ZNF75D: variants seen among roughly 807,000 people sequenced by gnomAD.
ZNF75D encodes the protein zinc finger protein 75D.
A neutral mutation model predicts 33.3 loss-of-function variants in ZNF75D; 33 were observed. The observed-to-expected ratio is 0.99, with a 90% confidence interval of 0.75 to 1.32. The LOEUF is 1.32. Ranked by LOEUF, ZNF75D falls within the 40% of genes most tolerant of loss-of-function variation. ZNF75D has a pLI of 0.00. For missense variants in ZNF75D, 338 were observed against 367.5 expected (o/e 0.92, Z 0.66); for synonymous variants, 113 against 130.6 (o/e 0.87, Z 0.92).
chrX:135,259,175 C>T (rs781930034), intron 1 of ZNF75D, among the ~76,000 whole-genome samples: 1 of 111,797 alleles, frequency 8.9e-6, no homozygotes, highest in South Asian at 3.8e-4. Flanking sequence ...GGTACCAGTA[C>T]CATGCTGTTT....
intron 1 of ZNF75D, among the ~76,000 whole-genome samples, chrX:135,263,215 C>T (rs1207092722): frequency 3.6e-5 from 4 of 112,547 alleles, no homozygotes; most frequent in Admixed American, 9.3e-5. Context: ...GACGCCTACA[C>T]GAGGTGTCTG....
intron 1 of ZNF75D, among the ~76,000 whole-genome samples, chrX:135,302,896 T>C (rs1348588580): frequency 9.2e-6 from 1 of 108,816 alleles, no homozygotes; most frequent in Non-Finnish European, 1.9e-5. Context: ...GGCCTCTGAG[T>C]TCCCTTAGTA....
At chrX:135,283,545 A>G (rs1556418879), downstream of ZNF75D, among the ~76,000 whole-genome samples, 1 of 111,715 alleles carries the variant, frequency 9.0e-6, no homozygotes, top group Non-Finnish European at 1.9e-5. Flanking sequence ...CTAGGCCATG[A>G]TTCCGTTTTG....
intron 1 of ZNF75D, among the ~76,000 whole-genome samples, chrX:135,258,878 G>C (rs1382375296): frequency 2.7e-5 from 3 of 112,143 alleles, no homozygotes; most frequent in Admixed American, 9.4e-5. Flanking sequence ...CCATGCCTAT[G>C]TCCTGAATGG....
chrX:135,320,612 A>G (rs1261111377), intron 1 of ZNF75D, among the ~76,000 whole-genome samples: 4 of 111,703 alleles, frequency 3.6e-5, no homozygotes, highest in African/African-American at 1.3e-4. Flanking sequence ...ATGTTTATCC[A>G]TATTAGGTAA....
chrX:135,318,478 A>G (rs1292973910), intron 1 of ZNF75D, among the ~76,000 whole-genome samples: 2 of 111,696 alleles, frequency 1.8e-5, no homozygotes, highest in Non-Finnish European at 3.8e-5. Flanking sequence ...GCAAAGTAAG[A>G]ACAAGTTTGG....
At chrX:135,258,939 A>G (rs2083824804) in intron 1 of ZNF75D, among the ~76,000 whole-genome samples, 1 of 112,200 alleles carries the variant, frequency 8.9e-6, no homozygotes, top group South Asian at 3.7e-4. Context: ...TCTAATATTT[A>G]AGTCTTTAAC....
At chrX:135,302,852 G>A (rs181610349) in intron 1 of ZNF75D, among the ~76,000 whole-genome samples, 130 of 110,202 alleles carry the variant, frequency 1.2e-3, no homozygotes, top group African/African-American at 3.9e-3. Context: ...AAGGGGCCCA[G>A]GGGACCAGCG....
Position 135,287,050 on chromosome X carries a change from A to C in ZNF75D, c.*87T>G, listed in dbSNP as rs782442459. ...AACATGTACCCTTCCCAAATGTTTT[A>C]TTAATCACAGATTCCTATCATTGGG... On this transcript the variant is annotated 3_prime_UTR_variant, in exon 7 of 7. Coordinates refer to ENST00000370766, the MANE Select transcript of ZNF75D (RefSeq NM_007131.5). 3 of 792,929 alleles carry C rather than the reference A, an allele frequency of 3.8e-6. No homozygotes were observed. The East Asian group carries it at 9.4e-5, about 25-fold the overall frequency. The allele number at this position is 792,929 out of a possible 1,213,427, so 65.3% of individuals were successfully genotyped here.
chrX:135,280,566 C>A (rs910110236), intron 1 of ZNF75D, among the ~76,000 whole-genome samples: 1 of 111,807 alleles, frequency 8.9e-6, no homozygotes, highest in African/African-American at 3.2e-5. Flanking sequence ...TTACTTGATG[C>A]AGTTTCTTCA....
intron 1 of ZNF75D, among the ~76,000 whole-genome samples, chrX:135,278,174 G>T (rs187459009): frequency 6.0e-4 from 67 of 111,360 alleles, no homozygotes; most frequent in African/African-American, 2.2e-3. Flanking sequence ...CTTGACCAGT[G>T]GTTTCTAGTT....
intron 1 of ZNF75D, among the ~76,000 whole-genome samples, chrX:135,315,354 G>C: frequency 9.0e-6 from 1 of 111,704 alleles, no homozygotes; most frequent in Non-Finnish European, 1.9e-5. Flanking sequence ...TTTGGTCGTG[G>C]CCTAACATAT....
chrX:135,308,464 G>C (rs782653637), intron 1 of ZNF75D, among the ~76,000 whole-genome samples: 1 of 111,959 alleles, frequency 8.9e-6, no homozygotes, highest in Non-Finnish European at 1.9e-5. Flanking sequence ...TAATGGGGGG[G>C]AAGGTATGGG....
At position 135,294,508 on chromosome X, in the gene ZNF75D, GT is replaced by G. The variant is rs372815241; in HGVS notation, c.-118-251del. Among the ~76,000 whole-genome samples the G allele has an allele frequency of 9.0e-3, 936 of 104,540 alleles. 22 individuals are homozygous for G. Among genetic ancestry groups the G allele is most frequent in the African/African-American group, 0.031 (893 of 28,973 alleles). 90.8% of individuals were successfully genotyped at this position (104,540 alleles called of 115,157 possible). On this transcript the variant is annotated intron_variant, in intron 2 of 6. Coordinates refer to ENST00000370766, the MANE Select transcript of ZNF75D (RefSeq NM_007131.5). ...ACAAATGTCAATCAATGTATTTCCT[GT>G]TTTTTTTTTTAACAGTTGAGGAAAG...
rs2083953239 is a variant in ZNF75D at position 135,286,461 on chromosome X, A to G, written c.*676T>C. On this transcript the variant is annotated 3_prime_UTR_variant, in exon 7 of 7. Coordinates refer to ENST00000370766, the MANE Select transcript of ZNF75D (RefSeq NM_007131.5). ...GTTGACAAAGTCAGCAAGAGGAGAG[A>G]TATCAAGTGCTTGCAAGGTCCCTAG... 8.9e-6 allele frequency: 1 copy of G among 112,388 alleles called. No homozygotes were observed. 9.3% of individuals were successfully genotyped at this position (112,388 alleles called of 1,213,427 possible). A position where few individuals can be genotyped will look rare whatever the true frequency, so the allele number is the denominator to read the frequency against.
chrX:135,321,272 AC>A (rs2084492084), intron 1 of ZNF75D, among the ~76,000 whole-genome samples: 1 of 112,116 alleles, frequency 8.9e-6, no homozygotes, highest in Non-Finnish European at 1.9e-5. Flanking sequence ...AGGCCACACC[AC>A]CCAGCACTGC....
At chrX:135,306,573 A>C (rs1182389002) in intron 1 of ZNF75D, among the ~76,000 whole-genome samples, 1 of 112,046 alleles carries the variant, frequency 8.9e-6, no homozygotes, top group East Asian at 2.8e-4. Flanking sequence ...CTGTTCTTCC[A>C]GTTACACATA....
chrX:135,271,965 G>A (rs1179340319), intron 1 of ZNF75D, among the ~76,000 whole-genome samples: 3 of 111,141 alleles, frequency 2.7e-5, no homozygotes, highest in Admixed American at 9.6e-5. Flanking sequence ...CAGTCTGGCA[G>A]AGAACTGAAT....
intron 1 of ZNF75D, among the ~76,000 whole-genome samples, chrX:135,303,481 A>G (rs1556425181): frequency 1.8e-5 from 2 of 112,362 alleles, no homozygotes; most frequent in Non-Finnish European, 3.8e-5. Context: ...TGCTGCCTTC[A>G]AGCATTTGTT....
Sources: allele counts gnomAD v4.1 joint callset (sites outside exome capture counted in the v4.1 genomes callset), GRCh38; gene constraint gnomAD v4.1.1; transcripts MANE v1.5; gene names NCBI Gene and HGNC (gene_info 2026-07-23, HGNC 2026-07-21).